The following CDH6 variants were observed in gnomAD, a reference collection of about 807,000 sequenced individuals.
The protein encoded by CDH6 is cadherin-6.
CDH6 carries 31 observed loss-of-function variants against 78.0 expected under a neutral mutation model. The ratio of observed to expected loss-of-function variants is 0.40; its 90% CI spans 0.30 to 0.54. The LOEUF (loss-of-function observed/expected upper bound fraction) is 0.54, where lower values mean the gene tolerates loss of function less well. Among genes scored for constraint, CDH6 ranks in the 20% least tolerant of loss-of-function variants. The pLI is 0.56. For missense variants in CDH6, 724 were observed against 975.9 expected, an observed-to-expected ratio of 0.74 and a Z score of 3.44; for synonymous variants, 376 against 368.8, an observed-to-expected ratio of 1.02 and a Z score of -0.23.
chr5:31,294,078 G>T lies in CDH6; in HGVS notation c.345G>T (p.Arg115Ser), dbSNP rs776168857. The change falls in exon 3 of 12, where the codon AGG becomes AGT. Residue 115 changes from arginine (R) to serine (S), a missense_variant. Arg to Ser is a moderately radical substitution (Grantham distance 110). Coordinates refer to ENST00000265071, the MANE Select transcript of CDH6 (RefSeq NM_004932.4). This position sits in a 1 kb window ranked among gnomAD's most constrained non-coding sequence, Gnocchi z 4.1. Reference protein sequence around the residue: ...ENTGDIQATKRLDREEKPVYI... With the variant: ...ENTGDIQATKSLDREEKPVYI... ...CAGGCGACATACAGGCCACCAAGAG[G>T]CTGGACAGGGAAGAAAAACCCGTTT... is the stretch of plus-strand genomic sequence containing the variant. The T allele has an allele frequency of 5.0e-6, 8 of 1,613,798 alleles. No individual in the cohort carries two copies. Among genetic ancestry groups the T allele is most frequent in the Non-Finnish European group, 4.2e-6 (5 of 1,179,918 alleles).
At chr5:31,247,339 A>C (rs1741780349) in intron 1 of CDH6, among the ~76,000 whole-genome samples, 1 of 152,242 alleles carries the variant, frequency 6.6e-6, no homozygotes, top group Non-Finnish European at 1.5e-5. Flanking sequence ...TAAAACTTTA[A>C]AAGGTTAAGT....
chr5:31,313,524 C>T (rs569654135), intron 8 of CDH6, 70 bp downstream of exon 8: 30 of 1,412,874 alleles, frequency 2.1e-5, no homozygotes, highest in South Asian at 8.0e-5. Context: ...GCTGGTGGAG[C>T]GTAGCTTGTC....
intron 1 of CDH6, among the ~76,000 whole-genome samples, chr5:31,239,827 C>T (rs1204766625): frequency 1.3e-5 from 2 of 152,198 alleles, no homozygotes; most frequent in African/African-American, 4.8e-5. Context: ...AGGGATGAAA[C>T]ATGCTTGCCA....
At chr5:31,248,578 A>C (rs993419656) in intron 1 of CDH6, among the ~76,000 whole-genome samples, 1 of 152,200 alleles carries the variant, frequency 6.6e-6, no homozygotes, top group Non-Finnish European at 1.5e-5. Context: ...GGTTAACACT[A>C]CCATTAAATC....
At chr5:31,267,726 C>T in intron 2 of CDH6, 25 bp downstream of exon 2, 1 of 1,548,866 alleles carries the variant, frequency 6.5e-7, no homozygotes, top group South Asian at 1.1e-5. Context: ...AGTGCTTTGA[C>T]ATTCTGGGTT....
rs1339890685 is a variant in CDH6 at position 31,325,887 on chromosome 5, T to A, written c.*2579T>A. On this transcript the variant is annotated 3_prime_UTR_variant, in exon 12 of 12. Transcript: ENST00000265071. ...GGGTACTGTAAGTATCAAGTTGGAG[T>A]GACGTTTTCCTATAATTCAGACTCT... 4.3e-6 allele frequency: 1 copy of A among 231,900 alleles called. No individual in the cohort carries two copies. Among genetic ancestry groups the A allele is most frequent in the African/African-American group, 2.2e-5 (1 of 45,266 alleles). 14.4% of individuals were successfully genotyped at this position (231,900 alleles called of 1,614,324 possible). A position where few individuals can be genotyped will look rare whatever the true frequency, so the allele number is the denominator to read the frequency against.
intron 1 of CDH6, among the ~76,000 whole-genome samples, chr5:31,219,891 C>A (rs1740961922): frequency 6.6e-6 from 1 of 152,204 alleles, no homozygotes; most frequent in Admixed American, 6.5e-5. Context: ...TCTCCATTCA[C>A]AGTTCATACA....
At chr5:31,283,851 G>A (rs1216747109) in intron 2 of CDH6, among the ~76,000 whole-genome samples, 2 of 151,500 alleles carry the variant, frequency 1.3e-5, no homozygotes, top group South Asian at 4.2e-4. Context: ...GTCTCACTCT[G>A]TCTCCCAGGC....
rs1737783170 is a variant in CDH6 at position 31,302,169 on chromosome 5, C to T, written c.870C>T (p.Ile290=). 6.2e-7 allele frequency: 1 copy of T among 1,613,822 alleles called. No homozygotes were observed. The highest frequency in any genetic ancestry group is 8.5e-7 in the Non-Finnish European group (1 of 1,179,882). The change falls in exon 6 of 12, where the codon ATC becomes ATT. Residue 290 remains isoleucine (I), a synonymous_variant. Transcript: ENST00000265071. ...CACCGGGGACACCAATTGGCAGAAT[C>T]AAAGCCAGCGACGCTGATGTGGGAG... The part of the protein sequence containing the change: ...SSPPGTPIGR[I]KASDADVGEN...
intron 2 of CDH6, among the ~76,000 whole-genome samples, chr5:31,280,110 C>T (rs187923683): frequency 2.1e-4 from 32 of 152,166 alleles, no homozygotes; most frequent in African/African-American, 4.8e-4. Context: ...TTGACTGCCA[C>T]GCAAACCAGC....
rs144634215 is a variant in CDH6 at position 31,258,203 on chromosome 5, C to T, written c.-128-9143C>T. On this transcript the variant is annotated intron_variant, in intron 1 of 11. Transcript: ENST00000265071. ...ACATGCACACATATGTTTACTGCGG[C>T]ACTGTTCACAATAGCAAAAACTTGA... Among the ~76,000 whole-genome samples, 580 of 152,286 alleles carry T rather than the reference C, an allele frequency of 3.8e-3. 1 individual carries two copies. Among genetic ancestry groups the T allele is most frequent in the Non-Finnish European group, 6.6e-3 (452 of 68,020 alleles).
intron 2 of CDH6, among the ~76,000 whole-genome samples, chr5:31,282,612 C>T (rs956312640): frequency 2.6e-5 from 4 of 152,130 alleles, no homozygotes; most frequent in Admixed American, 6.5e-5. Context: ...TCACAGGTCC[C>T]GGGAATTAGG....
intron 7 of CDH6, among the ~76,000 whole-genome samples, chr5:31,307,639 C>A (rs1307389595): frequency 1.3e-5 from 2 of 152,196 alleles, no homozygotes; most frequent in Admixed American, 1.3e-4. Context: ...CACAACTACT[C>A]TCTCTTGGAG....
intron 1 of CDH6, among the ~76,000 whole-genome samples, chr5:31,257,364 C>T (rs553546960): frequency 5.6e-4 from 85 of 151,844 alleles, no homozygotes; most frequent in Non-Finnish European, 9.8e-4. Flanking sequence ...GGGGTTTCAC[C>T]GTGTTAGCCG....
At chr5:31,258,969 T>C (rs1742136077) in intron 1 of CDH6, among the ~76,000 whole-genome samples, 1 of 152,216 alleles carries the variant, frequency 6.6e-6, no homozygotes, top group Admixed American at 6.5e-5. Flanking sequence ...ACTCACTGCA[T>C]GACCGTGGAC....
chr5:31,322,313 A>G (rs1461462897), intron 11 of CDH6, among the ~76,000 whole-genome samples: 3 of 151,746 alleles, frequency 2.0e-5, no homozygotes, highest in Non-Finnish European at 4.4e-5. Context: ...TTGGATTTTA[A>G]ACTAATTTTA....
At chr5:31,238,507 T>C (rs2111869827) in intron 1 of CDH6, among the ~76,000 whole-genome samples, 1 of 152,316 alleles carries the variant, frequency 6.6e-6, no homozygotes, top group African/African-American at 2.4e-5. Context: ...TTCTAAATTG[T>C]TTTTTTCTTC....
At chr5:31,237,681 T>A (rs4260684) in intron 1 of CDH6, among the ~76,000 whole-genome samples, 148,330 of 152,280 alleles carry the variant, frequency 0.97, 72,344 homozygotes, top group Middle Eastern at 1. Context: ...TTTCCCCCCA[T>A]TATTTCTTTG....
Position 31,322,878 on chromosome 5 carries a change from C to T in CDH6, c.1943C>T (p.Ser648Phe). 6.2e-7 allele frequency: 1 copy of T among 1,614,098 alleles called. No homozygotes were observed. The highest frequency in any genetic ancestry group is 8.5e-7 in the Non-Finnish European group (1 of 1,179,980). Reference protein sequence around the residue: ...RQRKKEPLIISKEDIRDNIVS... With the variant: ...RQRKKEPLIIFKEDIRDNIVS... ...CGAAAAAAAGAGCCTTTGATCATTT[C>T]CAAAGAGGACATCAGAGATAACATT... The change falls in exon 12 of 12, where the codon TCC (serine) becomes TTC (phenylalanine). Residue 648 changes from serine to phenylalanine, a missense_variant. By Grantham distance (155) the Ser-to-Phe change is radical (BLOSUM62 -2). Around this residue, in one of 3 missense-constraint regions of CDH6, gnomAD observed 220 missense variants for 240.6 expected, o/e 0.91. Transcript: ENST00000265071.
Sources: gnomAD v4.1 joint callset for allele counts (sites outside exome capture counted in the v4.1 genomes callset) on GRCh38, gnomAD v4.1.1 for gene constraint, gnomAD v4.1.1 regional missense constraint, Gnocchi (gnomAD v3.1) non-coding constraint, MANE v1.5 for transcripts, NCBI Gene and HGNC (gene_info 2026-07-23, HGNC 2026-07-21) for gene names.